FGF14: variants seen among roughly 807,000 people sequenced by gnomAD.
FGF14 encodes the protein fibroblast growth factor 14.
In FGF14, 5 loss-of-function variants were observed where a neutral mutation model predicts 25.5. The observed-to-expected ratio is 0.20, with a 90% CI of 0.10 to 0.41. FGF14 has a LOEUF of 0.41. Among genes scored for constraint, FGF14 ranks in the 10% least tolerant of loss-of-function variants. The probability of loss-of-function intolerance (pLI) is 1.00; values close to 1 mark genes in which losing one functional copy is unlikely to be tolerated. For missense variants in FGF14, 222 were observed against 320.1 expected (o/e 0.69, Z 2.34); for synonymous variants, 138 against 118.3 (o/e 1.17, Z -1.08).
chr13:102,045,507 G>A (rs2041942643), intron 1 of FGF14, among the ~76,000 whole-genome samples: 1 of 152,108 alleles, frequency 6.6e-6, no homozygotes, highest in Non-Finnish European at 1.5e-5. Flanking sequence ...TTTGATTACT[G>A]TGGAGCAACT....
intron 3 of FGF14, among the ~76,000 whole-genome samples, chr13:101,773,844 T>TA (rs1013682183): frequency 4.1e-4 from 61 of 148,192 alleles, no homozygotes; most frequent in African/African-American, 1.4e-3. Context: ...CTGTAATTTT[T>TA]AAAAATGTAT....
chr13:102,290,964 G>T (rs546912890), intron 1 of FGF14, among the ~76,000 whole-genome samples: 56 of 152,208 alleles, frequency 3.7e-4, no homozygotes, highest in Admixed American at 3.1e-3. Context: ...TTCTTTAGGG[G>T]AGCATAAGAT....
upstream of FGF14, among the ~76,000 whole-genome samples, chr13:101,921,506 C>A (rs147140428): frequency 6.6e-6 from 1 of 152,176 alleles, no homozygotes; most frequent in African/African-American, 2.4e-5. Flanking sequence ...TTCTCTAATA[C>A]CCCGTATATA....
intron 1 of FGF14, among the ~76,000 whole-genome samples, chr13:102,150,365 C>G (rs962031285): frequency 6.6e-5 from 10 of 151,510 alleles, no homozygotes; most frequent in African/African-American, 2.4e-4. Context: ...ATCAACCTGA[C>G]AGAGCTGATA....
rs535010891 is a variant in FGF14, at chr13:102,021,284, C to T, written c.209-145988G>A. ...AAACAATGATATATTTCTATGACAA[C>T]ATTCTTGAAACATTCTACTTAGCTC... On this transcript the variant is annotated intron_variant, in intron 1 of 4. Transcript: ENST00000376131. Among the ~76,000 whole-genome samples the T allele has an allele frequency of 2.0e-4, 30 of 152,134 alleles. 1 individual carries two copies. The highest frequency in any genetic ancestry group is 6.5e-4 in the African/African-American group (27 of 41,536).
At chr13:102,050,766 T>C (rs953175521) in intron 1 of FGF14, among the ~76,000 whole-genome samples, 1 of 151,628 alleles carries the variant, frequency 6.6e-6, no homozygotes, top group Non-Finnish European at 1.5e-5. Flanking sequence ...TTGGCAGCAA[T>C]ACAGTAGAGA....
intron 1 of FGF14, among the ~76,000 whole-genome samples, chr13:102,155,726 G>GTT (rs2047301916): frequency 7.2e-6 from 1 of 139,614 alleles, no homozygotes; most frequent in Non-Finnish European, 1.6e-5. Context: ...TCCAGGAGCT[G>GTT]GTTTTTTTAA....
At chr13:102,146,803 T>C (rs1231100343) in intron 1 of FGF14, among the ~76,000 whole-genome samples, 2 of 152,124 alleles carry the variant, frequency 1.3e-5, no homozygotes, top group African/African-American at 4.8e-5. Context: ...CAACCAGCCC[T>C]GGTAATCAGA....
intron 1 of FGF14, among the ~76,000 whole-genome samples, chr13:102,098,463 G>A (rs1253770564): frequency 2.0e-5 from 3 of 152,164 alleles, no homozygotes; most frequent in Non-Finnish European, 4.4e-5. Context: ...CTAAGGCAGT[G>A]TGTGACAGTT....
intron 1 of FGF14, among the ~76,000 whole-genome samples, chr13:101,890,733 C>T (rs940231831): frequency 6.6e-6 from 1 of 152,136 alleles, no homozygotes; most frequent in East Asian, 1.9e-4. Flanking sequence ...GGTGATGCCA[C>T]ACACAGCAAG....
intron 3 of FGF14, among the ~76,000 whole-genome samples, chr13:101,758,443 A>G (rs891015437): frequency 6.6e-6 from 1 of 152,180 alleles, no homozygotes; most frequent in African/African-American, 2.4e-5. Flanking sequence ...TTAGAATGCA[A>G]ATATGGCTTT....
intron 3 of FGF14, among the ~76,000 whole-genome samples, chr13:101,815,287 G>A (rs1363687033): frequency 6.6e-6 from 1 of 152,168 alleles, no homozygotes; most frequent in Non-Finnish European, 1.5e-5. Context: ...ACAAATGACA[G>A]GCAGAGGAGG....
intron 1 of FGF14, among the ~76,000 whole-genome samples, chr13:102,362,061 TG>T (rs907319536): frequency 6.6e-6 from 1 of 152,148 alleles, no homozygotes; most frequent in African/African-American, 2.4e-5. Flanking sequence ...CCCTTCTTCC[TG>T]GGGCCACTGC....
intron 1 of FGF14, among the ~76,000 whole-genome samples, chr13:101,942,462 TGA>T (rs1398780903): frequency 7.9e-5 from 12 of 152,222 alleles, no homozygotes; most frequent in African/African-American, 2.9e-4. Context: ...AGTACTCATT[TGA>T]TTTTGTCTTT....
At chr13:101,812,417 T>A (rs1472888511) in intron 3 of FGF14, among the ~76,000 whole-genome samples, 1 of 151,634 alleles carries the variant, frequency 6.6e-6, no homozygotes, top group Non-Finnish European at 1.5e-5. Context: ...ACTATAGACA[T>A]AAGCAGCAAA....
intron 1 of FGF14, among the ~76,000 whole-genome samples, chr13:102,163,076 C>T (rs1476368419): frequency 2.0e-5 from 3 of 152,122 alleles, no homozygotes; most frequent in Non-Finnish European, 4.4e-5. Context: ...CTCAAAGATA[C>T]AATATATTTG....
At chr13:101,974,706 C>T (rs546964846) in intron 1 of FGF14, among the ~76,000 whole-genome samples, 1 of 152,164 alleles carries the variant, frequency 6.6e-6, no homozygotes, top group East Asian at 1.9e-4. Flanking sequence ...TTCTGATAAA[C>T]AAGTTAAAAA....
chr13:102,202,827 C>A (rs1258897668), intron 1 of FGF14, among the ~76,000 whole-genome samples: 1 of 152,146 alleles, frequency 6.6e-6, no homozygotes. Context: ...TGACCACCAG[C>A]AAGAAAAGGG....
intron 1 of FGF14, among the ~76,000 whole-genome samples, chr13:102,093,741 T>G (rs1327636885): frequency 6.6e-6 from 1 of 151,826 alleles, no homozygotes; most frequent in Non-Finnish European, 1.5e-5. Flanking sequence ...TTGCTTGGTA[T>G]GTATTACAGA....
Sources: gnomAD v4.1 joint callset for allele counts (sites outside exome capture counted in the v4.1 genomes callset) on GRCh38, gnomAD v4.1.1 for gene constraint, MANE v1.5 for transcripts, NCBI Gene and HGNC (gene_info 2026-07-23, HGNC 2026-07-21) for gene names.